ZNF700: variants seen among roughly 807,000 people sequenced by gnomAD.
ZNF700 encodes zinc finger protein 700.
ZNF700 carries 38 observed loss-of-function variants against 65.3 expected under a neutral mutation model. The ratio of observed to expected loss-of-function variants is 0.58; its 90% CI spans 0.45 to 0.76. The LOEUF is 0.76. Among genes scored for constraint, ZNF700 ranks in the 30% least tolerant of loss-of-function variants. The probability of loss-of-function intolerance (pLI) is 0.00; values close to 1 mark genes in which losing one functional copy is unlikely to be tolerated. For synonymous variants in ZNF700, 285 were observed against 290.4 expected (o/e 0.98, Z 0.19); for missense variants, 857 against 888.4 (o/e 0.96, Z 0.45).
At position 11,948,278 on chromosome 19, in the gene ZNF700, G is replaced by C. The variant is rs955597563; in HGVS notation, c.254G>C (p.Ser85Thr). ...GATGTGTTTCTCATGTTTTACAGGA[G>C]TCTCATAGAAGAGAAAGTCAATGAA... The part of the protein sequence containing the change: ...EYQNPRRSFR[S>T]LIEEKVNEIK... Residue 85 changes from serine (S) to threonine (T), a missense_variant and splice_region_variant, in exon 4 of 4, where the codon AGT becomes ACT. Transcript: ENST00000254321. 94 of 1,611,788 alleles carry C rather than the reference G, an allele frequency of 5.8e-5. No homozygotes were observed. Among genetic ancestry groups the C allele is most frequent in the Non-Finnish European group, 7.5e-5 (89 of 1,179,422 alleles).
At chr19:11,940,588 AAGC>A (rs1972866398) in intron 1 of ZNF700, among the ~76,000 whole-genome samples, 1 of 152,118 alleles carries the variant, frequency 6.6e-6, no homozygotes, top group South Asian at 2.1e-4. Context: ...CAGCTCATAA[AAGC>A]AGCGTGGACC....
At chr19:11,927,211 G>T (rs899318147) in intron 1 of ZNF700, among the ~76,000 whole-genome samples, 41 of 152,052 alleles carry the variant, frequency 2.7e-4, no homozygotes, top group African/African-American at 9.6e-4. Flanking sequence ...AAAATTAGCC[G>T]GGTGTGGTGG....
In ZNF700 at chr19:11,947,213, C is replaced by G. The variant is rs998183128; in HGVS notation, c.96C>G (p.Asn32Lys). ...TGGCCTTTGAGGATGTGGCTGTGAACTTCACCCAGGAAGAGTGGACATTGC... is the reference window on the plus strand; with the variant it reads ...TGGCCTTTGAGGATGTGGCTGTGAAGTTCACCCAGGAAGAGTGGACATTGC... ...DPVAFEDVAVNFTQEEWTLLD... is the reference protein window; with the variant it reads ...DPVAFEDVAVKFTQEEWTLLD... The change falls in exon 2 of 4, where the codon AAC becomes AAG. Residue 32 changes from asparagine to lysine, a missense_variant. Physicochemically the swap from Asn to Lys is moderately conservative, Grantham distance 94. Coordinates refer to ENST00000254321, the MANE Select transcript of ZNF700 (RefSeq NM_144566.3). 1.2e-6 allele frequency: 2 copies of G among 1,613,960 alleles called. No homozygotes were observed. The highest frequency in any genetic ancestry group is 1.7e-5 in the Admixed American group (1 of 59,946).
intron 1 of ZNF700, among the ~76,000 whole-genome samples, chr19:11,928,114 G>A (rs1017741021): frequency 4.6e-5 from 7 of 151,872 alleles, no homozygotes; most frequent in African/African-American, 1.7e-4. Context: ...CGCCTCTCAA[G>A]TAGCTAAGAC....
At chr19:11,943,285 C>A (rs916049800) in intron 1 of ZNF700, among the ~76,000 whole-genome samples, 5 of 152,134 alleles carry the variant, frequency 3.3e-5, no homozygotes, top group African/African-American at 9.7e-5. Flanking sequence ...ATGCAGACAG[C>A]AATTGGTTAG....
intron 3 of ZNF700, 81 bp downstream of exon 3, chr19:11,947,655 A>G (rs1264621309): frequency 1.1e-5 from 14 of 1,284,000 alleles, no homozygotes; most frequent in Non-Finnish European, 1.4e-5. Context: ...AAGTAAAACA[A>G]AGAACTAAAT....
chr19:11,949,521 AAG>A lies in ZNF700; in HGVS notation c.1499_1500del (p.Arg500AsnfsTer9). 1 of 1,611,310 alleles carries A rather than the reference AAG, an allele frequency of 6.2e-7. No individual in the cohort carries two copies. The highest frequency in any genetic ancestry group is 1.1e-5 in the South Asian group (1 of 90,632). ...TTCATGAAAGGACAGAAAAACACAT[AAG>A]AATGCCCTCTGGAGAAAGACCTTAT... ...QIHERTEKHI[R>X]MPSGERPYKC... On this transcript the variant is annotated frameshift_variant, in exon 4 of 4. Transcript: ENST00000254321. LOFTEE classifies it high-confidence loss of function.
rs896775391 is a variant in ZNF700, at chr19:11,935,050, G to A, written c.63+9777G>A. On this transcript the variant is annotated intron_variant, in intron 1 of 3. Coordinates refer to ENST00000254321, the MANE Select transcript of ZNF700 (RefSeq NM_144566.3). ...AAATTAGCCAGGCATGGTGGCGGGC[G>A]CCTATAGTCCCAGCTACTGGGAGGC... is the stretch of plus-strand genomic sequence containing the variant. Among the ~76,000 whole-genome samples, 19 of 144,986 alleles carry A rather than the reference G, an allele frequency of 1.3e-4. 3 individuals carry two copies. Among genetic ancestry groups the A allele is most frequent in the African/African-American group, 3.9e-4 (14 of 36,144 alleles).
intron 1 of ZNF700, among the ~76,000 whole-genome samples, chr19:11,931,054 T>A (rs1972706204): frequency 6.8e-6 from 1 of 148,050 alleles, no homozygotes; most frequent in Non-Finnish European, 1.5e-5. Flanking sequence ...TGTTTTCCAT[T>A]GGTCTATCTT....
chr19:11,942,361 C>A (rs538539211), intron 1 of ZNF700, among the ~76,000 whole-genome samples: 1 of 152,046 alleles, frequency 6.6e-6, no homozygotes, highest in South Asian at 2.1e-4. Flanking sequence ...CTTTTTTCTG[C>A]CTATTAATTC....
rs531229377 is a variant in ZNF700, at chr19:11,929,699, T to C, written c.63+4426T>C. On this transcript the variant is annotated intron_variant, in intron 1 of 3. Transcript: ENST00000254321. ...TTTCCACACTTTCCAGGGCAACTGGTTCCCCCTTATATTTTCCAAATATAT... is the reference window on the plus strand; with the variant it reads ...TTTCCACACTTTCCAGGGCAACTGGCTCCCCCTTATATTTTCCAAATATAT... Among the ~76,000 whole-genome samples the C allele has an allele frequency of 2.7e-5, 4 of 148,146 alleles. No individual in the cohort carries two copies. The East Asian group carries it at 7.7e-4, about 29-fold the overall frequency.
intron 1 of ZNF700, among the ~76,000 whole-genome samples, chr19:11,925,813 A>G (rs142427166): frequency 2.0e-5 from 3 of 152,360 alleles, no homozygotes; most frequent in East Asian, 1.9e-4. Flanking sequence ...TCAGAGCCGA[A>G]TAGGAGAGAC....
At chr19:11,937,315 C>A (rs909932221) in intron 1 of ZNF700, among the ~76,000 whole-genome samples, 14 of 152,002 alleles carry the variant, frequency 9.2e-5, no homozygotes, top group African/African-American at 3.4e-4. Flanking sequence ...GTTTCAGTAC[C>A]ATTTGTTGTA....
At chr19:11,946,333 G>A (rs1290753725) in intron 1 of ZNF700, among the ~76,000 whole-genome samples, 2 of 152,144 alleles carry the variant, frequency 1.3e-5, no homozygotes, top group African/African-American at 4.8e-5. Context: ...GTGGGCTCAG[G>A]AGTGGGGAGT....
chr19:11,932,319 G>C lies in ZNF700; in HGVS notation c.63+7046G>C, dbSNP rs116664915. Among the ~76,000 whole-genome samples, 1,011 of 147,090 alleles carry C rather than the reference G, an allele frequency of 6.9e-3. 158 individuals are homozygous for C. Among genetic ancestry groups the C allele is most frequent in the African/African-American group, 0.027 (994 of 37,452 alleles). ...TGATTGCACCACTACACTCCAGCCT[G>C]GGTAACAGAACGAGACCCTGTTTCA... On this transcript the variant is annotated intron_variant, in intron 1 of 3. Transcript: ENST00000254321.
At chr19:11,945,159 A>C (rs1359464036) in intron 1 of ZNF700, among the ~76,000 whole-genome samples, 1 of 152,122 alleles carries the variant, frequency 6.6e-6, no homozygotes, top group Non-Finnish European at 1.5e-5. Context: ...GGACTGACAT[A>C]AGTTTTTCCT....
chr19:11,926,967 G>C (rs529490179), intron 1 of ZNF700, among the ~76,000 whole-genome samples: 5 of 152,260 alleles, frequency 3.3e-5, no homozygotes, highest in African/African-American at 1.2e-4. Flanking sequence ...ACCAGGAAAA[G>C]AGGTCCTGAT....
chr19:11,949,479 T>C lies in ZNF700; in HGVS notation c.1455T>C (p.Tyr485=), dbSNP rs77030021. 2.2e-4 allele frequency: 362 copies of C among 1,612,662 alleles called. 3 individuals carry two copies. In the African/African-American group the frequency reaches 4.5e-3, roughly 20 times the overall value. ...AGGAATGTGGGAAAGCCTTCAGATA[T>C]GTGAAGCACCTTCAAATTCATGAAA... The part of the protein sequence containing the change: ...ECKECGKAFR[Y]VKHLQIHERT... The change falls in exon 4 of 4, where the codon TAT becomes TAC. Residue 485 remains tyrosine, a synonymous_variant. Transcript: ENST00000254321.
intron 1 of ZNF700, among the ~76,000 whole-genome samples, chr19:11,927,729 A>G (rs1972652771): frequency 6.6e-6 from 1 of 152,186 alleles, no homozygotes; most frequent in Admixed American, 6.5e-5. Context: ...ATATTGTTAT[A>G]GGTATTGGGA....
Sources: allele counts gnomAD v4.1 joint callset (sites outside exome capture counted in the v4.1 genomes callset), GRCh38; gene constraint gnomAD v4.1.1; transcripts MANE v1.5; gene names NCBI Gene and HGNC (gene_info 2026-07-23, HGNC 2026-07-21).